The following PDE8A variants were observed in gnomAD, a reference collection of about 807,000 sequenced individuals.
The protein encoded by PDE8A is high affinity cAMP-specific and IBMX-insensitive 3',5'-cyclic phosphodiesterase 8A.
Under a neutral mutation model 105.0 loss-of-function variants are expected in PDE8A, and 59 were observed. The observed-to-expected ratio is 0.56, with a 90% CI of 0.46 to 0.70. The LOEUF (loss-of-function observed/expected upper bound fraction) is 0.70. Ranked by LOEUF, PDE8A falls within the 30% of genes least tolerant of loss-of-function variation. The pLI, the probability that PDE8A is intolerant of heterozygous loss-of-function variation, is 0.00. For missense variants in PDE8A, 1,014 were observed against 1,045.9 expected (o/e 0.97, Z 0.42); for synonymous variants, 355 against 371.9 (o/e 0.95, Z 0.52).
At chr15:85,087,229 G>T (rs1444785365) in intron 6 of PDE8A, among the ~76,000 whole-genome samples, 1 of 151,848 alleles carries the variant, frequency 6.6e-6, no homozygotes, top group Non-Finnish European at 1.5e-5. Context: ...TAGAGACAGG[G>T]TCTCACTCTG....
chr15:85,134,522 G>A (rs2082375954), intron 20 of PDE8A, among the ~76,000 whole-genome samples: 1 of 130,364 alleles, frequency 7.7e-6, no homozygotes, highest in African/African-American at 3.1e-5. Context: ...ACAGCCAGCG[G>A]ATGCTGGGCC....
At chr15:85,046,152 C>T (rs1033545556) in intron 1 of PDE8A, among the ~76,000 whole-genome samples, 1 of 148,300 alleles carries the variant, frequency 6.7e-6, no homozygotes, top group Admixed American at 6.8e-5. Flanking sequence ...AGTGCAATCT[C>T]TGCCTCCCAG....
At chr15:85,031,077 T>A (rs773193941) in intron 1 of PDE8A, among the ~76,000 whole-genome samples, 6 of 152,252 alleles carry the variant, frequency 3.9e-5, no homozygotes, top group African/African-American at 7.2e-5. Context: ...CTAAACCTGC[T>A]GATTAATACC....
intron 1 of PDE8A, among the ~76,000 whole-genome samples, chr15:85,049,519 T>C (rs541830861): frequency 6.6e-6 from 1 of 152,238 alleles, no homozygotes; most frequent in South Asian, 2.1e-4. Flanking sequence ...AGCATATATG[T>C]CAGAATTTCC....
At chr15:85,050,578 C>A (rs1596472818) in intron 1 of PDE8A, among the ~76,000 whole-genome samples, 1 of 152,182 alleles carries the variant, frequency 6.6e-6, no homozygotes. Context: ...ACTCTCCTTT[C>A]ACCATTGAAT....
At chr15:85,011,021 C>G (rs554111489) in intron 1 of PDE8A, among the ~76,000 whole-genome samples, 1 of 152,270 alleles carries the variant, frequency 6.6e-6, no homozygotes, top group South Asian at 2.1e-4. Flanking sequence ...GTCCCTATTT[C>G]CTTTTTCTCT....
chr15:85,036,705 C>T (rs2080712236), intron 1 of PDE8A, among the ~76,000 whole-genome samples: 1 of 152,150 alleles, frequency 6.6e-6, no homozygotes, highest in Non-Finnish European at 1.5e-5. Flanking sequence ...CAAGAAAAGC[C>T]AGCTGAGGCA....
intron 1 of PDE8A, among the ~76,000 whole-genome samples, chr15:85,061,927 T>C (rs1351682853): frequency 6.6e-6 from 1 of 152,188 alleles, no homozygotes; most frequent in Non-Finnish European, 1.5e-5. Context: ...ACTTTTCAGC[T>C]CCAGAAATTA....
intron 1 of PDE8A, among the ~76,000 whole-genome samples, chr15:85,029,183 G>C (rs1163350001): frequency 6.6e-6 from 1 of 151,912 alleles, no homozygotes; most frequent in East Asian, 1.9e-4. Flanking sequence ...TGAAATTCTT[G>C]TTTAATAATA....
At chr15:85,122,975 T>C in intron 18 of PDE8A, 86 bp from the exon 19 acceptor site, 4 of 1,379,490 alleles carry the variant, frequency 2.9e-6, no homozygotes, top group Non-Finnish European at 3.1e-6. Flanking sequence ...AGAGGACACA[T>C]ACCTGGATAA....
intron 8 of PDE8A, among the ~76,000 whole-genome samples, chr15:85,093,232 G>A (rs2081678464): frequency 6.6e-6 from 1 of 152,130 alleles, no homozygotes; most frequent in Non-Finnish European, 1.5e-5. Context: ...AAAGAGCCTG[G>A]GTATTTGTTT....
At chr15:85,017,427 TA>T (rs1368323936) in intron 1 of PDE8A, among the ~76,000 whole-genome samples, 1 of 151,714 alleles carries the variant, frequency 6.6e-6, no homozygotes, top group Admixed American at 6.6e-5. Flanking sequence ...TTCCAATTTT[TA>T]GACCACTAAT....
rs763915512 is a variant in PDE8A, at chr15:85,115,979, T to C, written c.1400-5T>C. ...ATTTGTTCTCCAAATTACATCACTT[T>C]ACAGACACTCAAATGGTTTCAAGCA... On this transcript the variant is annotated splice_region_variant and splice_polypyrimidine_tract_variant and intron_variant, in intron 15 of 21. Coordinates refer to ENST00000394553, the MANE Select transcript of PDE8A (RefSeq NM_002605.3). 3.7e-6 allele frequency: 6 copies of C among 1,612,594 alleles called. No homozygotes were observed. Among genetic ancestry groups the C allele is most frequent in the South Asian group, 2.2e-5 (2 of 90,988 alleles).
intron 1 of PDE8A, among the ~76,000 whole-genome samples, chr15:84,988,864 G>A (rs182399784): frequency 1.3e-5 from 2 of 152,278 alleles, no homozygotes; most frequent in East Asian, 3.9e-4. Flanking sequence ...AGTTCCCAAA[G>A]TGCTTGGCAC....
intron 1 of PDE8A, among the ~76,000 whole-genome samples, chr15:84,988,201 G>A (rs1187947399): frequency 6.6e-6 from 1 of 152,212 alleles, no homozygotes; most frequent in Non-Finnish European, 1.5e-5. Context: ...TTTAAGCTGA[G>A]ATTCAAATCC....
intron 1 of PDE8A, among the ~76,000 whole-genome samples, chr15:85,060,781 T>C (rs547036948): frequency 1.3e-5 from 2 of 152,348 alleles, no homozygotes; most frequent in African/African-American, 4.8e-5. Flanking sequence ...CACCAAACTG[T>C]ATTCATCTCT....
At chr15:85,083,751 G>C in intron 6 of PDE8A, 107 bp downstream of exon 6, 1 of 720,258 alleles carries the variant, frequency 1.4e-6, no homozygotes, top group Admixed American at 2.1e-5. Flanking sequence ...GCAGAAATGG[G>C]ATTGGAGAGA....
intron 20 of PDE8A, among the ~76,000 whole-genome samples, chr15:85,128,545 A>G (rs2082289739): frequency 6.6e-6 from 1 of 152,214 alleles, no homozygotes; most frequent in African/African-American, 2.4e-5. Context: ...GATAAATTAG[A>G]CTTCTTCAAA....
At chr15:85,066,986 A>G (rs772202726) in intron 2 of PDE8A, 28 bp from the exon 3 acceptor site, 4 of 1,510,586 alleles carry the variant, frequency 2.6e-6, no homozygotes, top group Non-Finnish European at 2.7e-6. Context: ...CTTTTTTTAA[A>G]AAAAGTGTTT....
Sources: gnomAD v4.1 joint callset for allele counts (sites outside exome capture counted in the v4.1 genomes callset) on GRCh38, gnomAD v4.1.1 for gene constraint, MANE v1.5 for transcripts, NCBI Gene and HGNC (gene_info 2026-07-23, HGNC 2026-07-21) for gene names.